SOX5: variants seen among roughly 807,000 people sequenced by gnomAD.
SOX5 encodes SRY-box transcription factor 5.
A neutral mutation model predicts 92.0 loss-of-function variants in SOX5; 9 were observed. That is an observed-to-expected ratio of 0.10 (90% CI 0.06 to 0.17). The LOEUF is 0.17. Among genes scored for constraint, SOX5 ranks in the 10% least tolerant of loss-of-function variants. The pLI, the probability that SOX5 is intolerant of heterozygous loss-of-function variation, is 1.00. For missense variants in SOX5, 642 were observed against 944.5 expected (o/e 0.68, Z 4.20); for synonymous variants, 344 against 336.3 (o/e 1.02, Z -0.25).
intron 4 of SOX5, among the ~76,000 whole-genome samples, chr12:24,020,618 T>G (rs772036745): frequency 6.6e-6 from 1 of 152,136 alleles, no homozygotes; most frequent in Non-Finnish European, 1.5e-5. Flanking sequence ...TACCCCTGAT[T>G]AATTCGAGGC....
At chr12:24,481,051 T>C (rs1440309115) in intron 1 of SOX5, among the ~76,000 whole-genome samples, 2 of 152,184 alleles carry the variant, frequency 1.3e-5, no homozygotes, top group African/African-American at 4.8e-5. Context: ...GTGATACATA[T>C]ACACAATGAA....
intron 1 of SOX5, among the ~76,000 whole-genome samples, chr12:24,524,600 C>T (rs994607504): frequency 2.0e-5 from 3 of 151,930 alleles, no homozygotes; most frequent in African/African-American, 7.3e-5. Context: ...CAGAGAAATG[C>T]AAATCAAAAC....
chr12:24,457,999 T>C (rs531951738), intron 1 of SOX5, among the ~76,000 whole-genome samples: 3 of 152,214 alleles, frequency 2.0e-5, no homozygotes, highest in South Asian at 2.1e-4. Flanking sequence ...TGAGGTAAAA[T>C]ACAGGACACT....
At chr12:23,538,804 T>C (rs924950540) in intron 13 of SOX5, among the ~76,000 whole-genome samples, 5 of 147,516 alleles carry the variant, frequency 3.4e-5, no homozygotes, top group African/African-American at 7.5e-5. Flanking sequence ...ATTTTCTTTT[T>C]TTTTTTTTTT....
rs540052997 is a variant in SOX5 at position 23,690,834 on chromosome 12, A to G, written c.811-25270T>C. 1.8e-3 allele frequency among the ~76,000 whole-genome samples: 273 copies of G among 152,242 alleles called. 1 individual carries two copies. Among genetic ancestry groups the G allele is most frequent in the Non-Finnish European group, 3.2e-3 (218 of 67,998 alleles). Reference sequence around the variant, plus strand: ...TCTCATTTTAGTCACTGTACCTGCAATTTACCTTTTCCCACTTAATTAGCT... The same window carrying G: ...TCTCATTTTAGTCACTGTACCTGCAGTTTACCTTTTCCCACTTAATTAGCT... On this transcript the variant is annotated intron_variant, in intron 6 of 14. Transcript: ENST00000451604.
intron 7 of SOX5, among the ~76,000 whole-genome samples, chr12:23,663,406 C>G (rs559916054): frequency 9.9e-5 from 15 of 152,166 alleles, no homozygotes; most frequent in Non-Finnish European, 4.4e-5. Flanking sequence ...AGTATGCCAA[C>G]TCTGTCAAAT....
intron 4 of SOX5, among the ~76,000 whole-genome samples, chr12:23,962,403 G>T (rs1342780714): frequency 6.6e-6 from 1 of 152,020 alleles, no homozygotes; most frequent in Admixed American, 6.6e-5. Context: ...ACGCACGCAA[G>T]CAAATGTTTC....
intron 4 of SOX5, among the ~76,000 whole-genome samples, chr12:24,048,426 C>G (rs762703580): frequency 1.4e-4 from 21 of 152,142 alleles, no homozygotes; most frequent in Non-Finnish European, 2.6e-4. Context: ...AGGAGCAGTT[C>G]CTGTGTTCTT....
At chr12:24,355,027 G>A (rs569102781) in intron 2 of SOX5, among the ~76,000 whole-genome samples, 6 of 152,164 alleles carry the variant, frequency 3.9e-5, no homozygotes, top group East Asian at 1.9e-4. Flanking sequence ...TTAAAACCTC[G>A]TTAATGAAGT....
At chr12:24,429,433 T>C (rs10842344) in intron 1 of SOX5, among the ~76,000 whole-genome samples, 91,496 of 152,004 alleles carry the variant, frequency 0.6, 28,013 homozygotes, top group East Asian at 0.98. Flanking sequence ...TTAGAATGGT[T>C]CTTAACATTT....
intron 1 of SOX5, among the ~76,000 whole-genome samples, chr12:24,374,010 G>C (rs953173393): frequency 3.7e-4 from 57 of 152,060 alleles, no homozygotes; most frequent in African/African-American, 1.3e-3. Context: ...AGATCTCCAA[G>C]ATATGTCCCT....
At chr12:24,252,534 C>T (rs1197313130) in intron 3 of SOX5, among the ~76,000 whole-genome samples, 1 of 151,848 alleles carries the variant, frequency 6.6e-6, no homozygotes, top group Non-Finnish European at 1.5e-5. Flanking sequence ...GATTAATAGG[C>T]AAGTGTTTCA....
chr12:23,652,088 T>C (rs2081642180), intron 7 of SOX5, among the ~76,000 whole-genome samples: 1 of 152,080 alleles, frequency 6.6e-6, no homozygotes, highest in Admixed American at 6.6e-5. Flanking sequence ...GTGATAATCT[T>C]AAATCCTTCT....
chr12:24,282,923 T>A (rs1416756085), intron 2 of SOX5, among the ~76,000 whole-genome samples: 1 of 152,236 alleles, frequency 6.6e-6, no homozygotes, highest in Non-Finnish European at 1.5e-5. Flanking sequence ...TACCTTTGCA[T>A]AAATAAATCA....
intron 3 of SOX5, among the ~76,000 whole-genome samples, chr12:24,269,062 T>C (rs1943369642): frequency 6.6e-6 from 1 of 152,214 alleles, no homozygotes; most frequent in African/African-American, 2.4e-5. Flanking sequence ...AAATTGTATA[T>C]TGCAGGGTAA....
intron 1 of SOX5, among the ~76,000 whole-genome samples, chr12:24,471,314 T>C (rs2137639261): frequency 6.6e-6 from 1 of 152,326 alleles, no homozygotes; most frequent in South Asian, 2.1e-4. Flanking sequence ...TTAATTTTTC[T>C]AACCACCTAA....
At chr12:23,695,804 G>A (rs1290499455) in intron 6 of SOX5, among the ~76,000 whole-genome samples, 4 of 151,404 alleles carry the variant, frequency 2.6e-5, no homozygotes, top group African/African-American at 7.3e-5. Flanking sequence ...AGCTGGGCCC[G>A]GTGGCGGGCG....
chr12:24,511,755 A>G (rs538133293), intron 1 of SOX5, among the ~76,000 whole-genome samples: 153 of 152,122 alleles, frequency 1.0e-3, no homozygotes, highest in South Asian at 3.1e-3. Flanking sequence ...TCAGGAGATC[A>G]AGACCATCCT....
intron 1 of SOX5, among the ~76,000 whole-genome samples, chr12:24,518,579 T>C (rs982044088): frequency 2.6e-5 from 4 of 152,142 alleles, no homozygotes; most frequent in Non-Finnish European, 2.9e-5. Flanking sequence ...TGATTGACAC[T>C]ACTAGATAAC....
Sources: gnomAD v4.1 joint callset for allele counts (sites outside exome capture counted in the v4.1 genomes callset) on GRCh38, gnomAD v4.1.1 for gene constraint, MANE v1.5 for transcripts, NCBI Gene and HGNC (gene_info 2026-07-23, HGNC 2026-07-21) for gene names.